Variants in C1orf141 observed in about 807,000 individuals in gnomAD.
C1orf141 encodes uncharacterized protein C1orf141.
Under a neutral mutation model 23.2 loss-of-function variants are expected in C1orf141, and 19 were observed. That is an observed-to-expected ratio of 0.82 (90% confidence interval 0.57 to 1.20). C1orf141 has a LOEUF of 1.20. C1orf141 is among the 50% of genes most tolerant of loss of function. The probability of loss-of-function intolerance (pLI) is 0.00; values close to 1 mark genes in which losing one functional copy is unlikely to be tolerated. For synonymous variants in C1orf141, 153 were observed against 154.6 expected, an observed-to-expected ratio of 0.99 and a Z score of 0.08; for missense variants, 469 against 455.1, an observed-to-expected ratio of 1.03 and a Z score of -0.28.
At chr1:67,105,997 T>C (rs1645918622) in intron 5 of C1orf141, among the ~76,000 whole-genome samples, 1 of 152,216 alleles carries the variant, frequency 6.6e-6, no homozygotes, top group Non-Finnish European at 1.5e-5. Flanking sequence ...TGTAAGGGAC[T>C]ACCTGTTCAA....
rs796496335 is a variant in C1orf141 at position 67,131,786 on chromosome 1, C to CTT, written c.-103-561_-103-560dup. Among the ~76,000 whole-genome samples the CTT allele has an allele frequency of 7.2e-3, 877 of 121,450 alleles. 27 individuals carry two copies. Among genetic ancestry groups the CTT allele is most frequent in the African/African-American group, 0.024 (740 of 30,534 alleles). The allele number at this position is 121,450 out of a possible 152,430, so 79.7% of individuals were successfully genotyped here. A position where few individuals can be genotyped will look rare whatever the true frequency, so the allele number is the denominator to read the frequency against. On this transcript the variant is annotated intron_variant, in intron 1 of 7. Transcript: ENST00000684719. The stretch of plus-strand genomic sequence containing the variant: ...AAATATGGTATGAAGACTACCTCTT[C>CTT]TTTTTTTTTTTTTTTTTTTTTGAGA...
Position 67,125,823 on chromosome 1 carries a change from A to G in C1orf141, c.162T>C (p.Leu54=). 6.2e-7 allele frequency: 1 copy of G among 1,613,976 alleles called. No homozygotes were observed. ...FDFQLEFEEA[L]ATSASKAISK... The stretch of plus-strand genomic sequence containing the variant: ...ATATTGCCTTAGACGCGGATGTAGC[A>G]AGAGCTTCTTCAAATTCCAACTGAA... Residue 54 remains leucine, a synonymous_variant, in exon 4 of 8, where the codon CTT becomes CTC. Transcript: ENST00000684719.
intron 1 of C1orf141, among the ~76,000 whole-genome samples, chr1:67,140,191 TC>T (rs1403105052): frequency 5.9e-5 from 9 of 152,336 alleles, no homozygotes; most frequent in African/African-American, 2.2e-4. Context: ...TAAGATAGCA[TC>T]TTGCAAGGCT....
chr1:67,098,030 T>C (rs1222784266), intron 5 of C1orf141, among the ~76,000 whole-genome samples: 1 of 152,168 alleles, frequency 6.6e-6, no homozygotes, highest in African/African-American at 2.4e-5. Flanking sequence ...ACACCAGAGA[T>C]GGATGACTGA....
intron 1 of C1orf141, among the ~76,000 whole-genome samples, chr1:67,131,558 C>A (rs1037070627): frequency 2.6e-5 from 4 of 152,092 alleles, no homozygotes; most frequent in African/African-American, 9.7e-5. Flanking sequence ...CATATGAGAC[C>A]ATCCAAGAAA....
At chr1:67,103,611 C>T (rs1311627112) in intron 5 of C1orf141, among the ~76,000 whole-genome samples, 2 of 152,060 alleles carry the variant, frequency 1.3e-5, no homozygotes, top group Admixed American at 6.6e-5. Context: ...AAAAGATCTG[C>T]TTATGCTCAC....
chr1:67,114,796 C>G (rs1228486845), intron 5 of C1orf141, among the ~76,000 whole-genome samples: 1 of 152,208 alleles, frequency 6.6e-6, no homozygotes, highest in East Asian at 1.9e-4. Context: ...TCTGCCTAGT[C>G]TCCTGAGTAG....
At chr1:67,126,781 A>C (rs993890102) in intron 3 of C1orf141, among the ~76,000 whole-genome samples, 5 of 152,238 alleles carry the variant, frequency 3.3e-5, no homozygotes, top group Admixed American at 2.6e-4. Flanking sequence ...TGCGGCTTTG[A>C]TCTCGCTAAA....
chr1:67,093,417 GAAAT>G lies in C1orf141; in HGVS notation c.787_790del (p.Ile263LeufsTer30). ...CATAGTTTTTTGGGGTTTGAAAAGA[GAAAT>G]AGATTGATTGCCAATTATAGATTTG... is the stretch of plus-strand genomic sequence containing the variant. On this transcript the variant is annotated frameshift_variant, in exon 8 of 8. Transcript: ENST00000684719. LOFTEE classifies it low-confidence loss of function (END_TRUNC). The G allele has an allele frequency of 1.2e-6, 2 of 1,612,124 alleles. No homozygotes were observed. The highest frequency in any genetic ancestry group is 2.2e-5 in the South Asian group (2 of 90,778).
intron 5 of C1orf141, among the ~76,000 whole-genome samples, chr1:67,099,517 C>A (rs564740628): frequency 6.6e-6 from 1 of 152,142 alleles, no homozygotes; most frequent in Admixed American, 6.5e-5. Flanking sequence ...TGGTGGCTCA[C>A]GCCTGTAATC....
At chr1:67,095,109 T>C in intron 7 of C1orf141, 126 bp downstream of exon 7, 1 of 594,530 alleles carries the variant, frequency 1.7e-6, no homozygotes, top group Non-Finnish European at 2.9e-6. Context: ...CTGTTATCAC[T>C]TTGGAATATG....
Position 67,092,483 on chromosome 1 carries a change from T to C in C1orf141, c.*522A>G, listed in dbSNP as rs1645576999. ...ATAATAATGAAGTTCCAACAGCTACTAATGACAATAAAATCTATTCAAAGT... is the reference window on the plus strand; with the variant it reads ...ATAATAATGAAGTTCCAACAGCTACCAATGACAATAAAATCTATTCAAAGT... On this transcript the variant is annotated 3_prime_UTR_variant, in exon 8 of 8. Coordinates refer to ENST00000684719, the MANE Select transcript of C1orf141 (RefSeq NM_001276351.2). 1 of 152,292 alleles carries C rather than the reference T, an allele frequency of 6.6e-6. No individual in the cohort carries two copies. The highest frequency in any genetic ancestry group is 1.5e-5 in the Non-Finnish European group (1 of 68,040). The allele number at this position is 152,292 out of a possible 1,614,324, so 9.4% of individuals were successfully genotyped here.
At chr1:67,106,348 T>C (rs1645926017) in intron 5 of C1orf141, among the ~76,000 whole-genome samples, 1 of 152,098 alleles carries the variant, frequency 6.6e-6, no homozygotes, top group South Asian at 2.1e-4. Flanking sequence ...TAGCAGCTAT[T>C]ATAACTATGC....
chr1:67,095,540 C>A, intron 6 of C1orf141, 119 bp from the exon 7 acceptor site: 1 of 584,888 alleles, frequency 1.7e-6, no homozygotes, highest in Non-Finnish European at 2.9e-6. Flanking sequence ...CTCTCTCCCA[C>A]AGACTTTTCA....
rs540284238 is a variant in C1orf141 at position 67,130,538 on chromosome 1, C to T, written c.-18+604G>A. Among the ~76,000 whole-genome samples the T allele has an allele frequency of 1.3e-3, 205 of 152,222 alleles. 2 individuals are homozygous for T. The highest frequency in any genetic ancestry group is 4.4e-3 in the African/African-American group (181 of 41,538). On this transcript the variant is annotated intron_variant, in intron 2 of 7. Transcript: ENST00000684719. ...TCATCCCATTATACACACACACATA[C>T]GCACATGCACGCACATGCACACACA...
At chr1:67,114,015 G>A (rs1646135477) in intron 5 of C1orf141, among the ~76,000 whole-genome samples, 1 of 152,144 alleles carries the variant, frequency 6.6e-6, no homozygotes. Context: ...GTGAAGGTAA[G>A]ATCAAGTTTT....
rs1226198611 is a variant in C1orf141 at position 67,123,305 on chromosome 1, T to C, written c.233+2447A>G. ...GGAGATTGACAGCTTTTCTTTTTTTTAGTCCTCCAACAAATGCATACTTAA... is the reference window on the plus strand; with the variant it reads ...GGAGATTGACAGCTTTTCTTTTTTTCAGTCCTCCAACAAATGCATACTTAA... On this transcript the variant is annotated intron_variant, in intron 4 of 7. Coordinates refer to ENST00000684719, the MANE Select transcript of C1orf141 (RefSeq NM_001276351.2). The C allele has an allele frequency of 1.3e-5, 2 of 152,088 alleles. 1 individual carries two copies. The highest frequency in any genetic ancestry group is 4.1e-4 in the South Asian group (2 of 4,832). 9.4% of individuals were successfully genotyped at this position (152,088 alleles called of 1,614,324 possible). A position where few individuals can be genotyped will look rare whatever the true frequency, so the allele number is the denominator to read the frequency against.
At chr1:67,095,556 A>G (rs560074298) in intron 6 of C1orf141, 135 bp from the exon 7 acceptor site, 8 of 561,470 alleles carry the variant, frequency 1.4e-5, no homozygotes, top group East Asian at 8.9e-5. Flanking sequence ...TTTCAAACCG[A>G]CAAGATCATC....
chr1:67,140,122 C>T (rs965499252), intron 1 of C1orf141, among the ~76,000 whole-genome samples: 1 of 152,152 alleles, frequency 6.6e-6, no homozygotes, highest in Non-Finnish European at 1.5e-5. Flanking sequence ...AGAAATAATT[C>T]CTTTTCTTTA....
Sources: allele counts gnomAD v4.1 joint callset (sites outside exome capture counted in the v4.1 genomes callset), GRCh38; gene constraint gnomAD v4.1.1; transcripts MANE v1.5; gene names NCBI Gene and HGNC (gene_info 2026-07-23, HGNC 2026-07-21).